Variants in EXOC4 observed in about 807,000 individuals in gnomAD.
EXOC4 encodes the protein exocyst complex component 4.
Under a neutral mutation model 107.2 loss-of-function variants are expected in EXOC4, and 71 were observed. The observed-to-expected ratio is 0.66, with a 90% CI of 0.55 to 0.81. EXOC4 has a LOEUF of 0.81. Among genes scored for constraint, EXOC4 ranks in the 30% least tolerant of loss-of-function variants. The pLI, the probability that EXOC4 is intolerant of heterozygous loss-of-function variation, is 0.00. For synonymous variants in EXOC4, 456 were observed against 441.2 expected (o/e 1.03, Z -0.42); for missense variants, 1,108 against 1,189.6 (o/e 0.93, Z 1.01).
the EXOC4 span, among the ~76,000 whole-genome samples, chr7:134,084,169 A>G: frequency 3.3e-4 from 51 of 152,314 alleles, no homozygotes; most frequent in Non-Finnish European, 5.7e-4. Flanking sequence ...TGGAGTTTCT[A>G]CTGATCAGTT....
chr7:133,794,204 T>G (rs1213043087), intron 10 of EXOC4, among the ~76,000 whole-genome samples: 1 of 152,240 alleles, frequency 6.6e-6, no homozygotes, highest in Non-Finnish European at 1.5e-5. Context: ...CTGTGATGCT[T>G]CTCGTGTTCT....
intron 10 of EXOC4, among the ~76,000 whole-genome samples, chr7:133,783,887 G>T (rs1182478853): frequency 6.6e-6 from 1 of 152,124 alleles, no homozygotes; most frequent in African/African-American, 2.4e-5. Flanking sequence ...TGAAGAAAAA[G>T]TTTTATACAG....
At chr7:133,374,446 G>A (rs774422566) in intron 6 of EXOC4, among the ~76,000 whole-genome samples, 1 of 152,118 alleles carries the variant, frequency 6.6e-6, no homozygotes, top group African/African-American at 2.4e-5. Flanking sequence ...TAACATCTGA[G>A]CTGTTGTCTG....
At chr7:133,841,334 A>G (rs1798021051) in intron 11 of EXOC4, among the ~76,000 whole-genome samples, 1 of 152,198 alleles carries the variant, frequency 6.6e-6, no homozygotes, top group Non-Finnish European at 1.5e-5. Context: ...AACATTCAGT[A>G]CACTGAAGAT....
intron 9 of EXOC4, among the ~76,000 whole-genome samples, chr7:133,540,566 A>G (rs907042868): frequency 2.6e-5 from 4 of 152,212 alleles, no homozygotes; most frequent in African/African-American, 9.7e-5. Flanking sequence ...ATTTACAAAC[A>G]ATTTCCAAGT....
At chr7:133,400,427 A>G (rs1288570998) in intron 7 of EXOC4, among the ~76,000 whole-genome samples, 1 of 152,224 alleles carries the variant, frequency 6.6e-6, no homozygotes, top group Non-Finnish European at 1.5e-5. Context: ...CTGGGGGACA[A>G]CCATGTAATA....
intron 12 of EXOC4, among the ~76,000 whole-genome samples, chr7:133,908,437 A>G (rs1034038447): frequency 6.6e-6 from 1 of 152,256 alleles, no homozygotes; most frequent in Non-Finnish European, 1.5e-5. Flanking sequence ...AGGCAATGGA[A>G]TTAAAGAGGA....
At chr7:133,656,391 G>A (rs73726943) in intron 10 of EXOC4, among the ~76,000 whole-genome samples, 1 of 106,424 alleles carries the variant, frequency 9.4e-6, no homozygotes, top group African/African-American at 4.0e-5. Context: ...ATGTATGTAT[G>A]TATATCTGTG....
chr7:133,354,455 A>G (rs1028694038), intron 5 of EXOC4, among the ~76,000 whole-genome samples: 2 of 152,146 alleles, frequency 1.3e-5, no homozygotes, highest in African/African-American at 2.4e-5. Context: ...AATTTTTTCA[A>G]TACATGCATT....
chr7:133,297,088 A>G (rs1794536535), intron 3 of EXOC4, among the ~76,000 whole-genome samples: 1 of 152,226 alleles, frequency 6.6e-6, no homozygotes, highest in African/African-American at 2.4e-5. Context: ...TAAGACACAC[A>G]TCACATGGTG....
chr7:133,476,484 C>G (rs1027688000), intron 8 of EXOC4, among the ~76,000 whole-genome samples: 4 of 152,046 alleles, frequency 2.6e-5, no homozygotes, highest in Admixed American at 1.3e-4. Flanking sequence ...TGAATTTATT[C>G]TTTTTCAGCA....
intron 10 of EXOC4, among the ~76,000 whole-genome samples, chr7:133,740,679 A>G (rs1239463366): frequency 6.6e-6 from 1 of 152,200 alleles, no homozygotes; most frequent in Non-Finnish European, 1.5e-5. Context: ...ACTATTCAGA[A>G]TGAGATATTT....
At chr7:133,535,901 G>A (rs1253037149) in intron 9 of EXOC4, among the ~76,000 whole-genome samples, 2 of 152,088 alleles carry the variant, frequency 1.3e-5, no homozygotes, top group Non-Finnish European at 2.9e-5. Flanking sequence ...TTTCTTTTCT[G>A]ATGGCTCACA....
the EXOC4 span, among the ~76,000 whole-genome samples, chr7:134,084,922 C>CA: frequency 1 from 152,093 of 152,104 alleles, 76,041 homozygotes; most frequent in Middle Eastern, 1. Flanking sequence ...AATTTATAGA[C>CA]AAAAAAGGGA....
rs200252718 is a variant in EXOC4 at position 133,895,742 on chromosome 7, C to T, written c.1871+7C>T. ...CCTGCACTGCAGCTTACAGGTAGAG[C>T]TTCTGTTAGGGGCTAAGCAAAGTAA... On this transcript the variant is annotated splice_region_variant and intron_variant, in intron 12 of 17. Coordinates refer to ENST00000253861, the MANE Select transcript of EXOC4 (RefSeq NM_021807.4). 1 of 1,613,024 alleles carries T rather than the reference C, an allele frequency of 6.2e-7. No homozygotes were observed. Among genetic ancestry groups the T allele is most frequent in the Admixed American group, 1.7e-5 (1 of 59,958 alleles).
intron 9 of EXOC4, among the ~76,000 whole-genome samples, chr7:133,560,128 T>C (rs370380034): frequency 6.6e-6 from 1 of 152,200 alleles, no homozygotes; most frequent in African/African-American, 2.4e-5. Flanking sequence ...TTTTTTTAAC[T>C]TTCAAAATAT....
At chr7:133,673,373 C>T (rs1793988955) in intron 10 of EXOC4, among the ~76,000 whole-genome samples, 1 of 152,068 alleles carries the variant, frequency 6.6e-6, no homozygotes, top group Admixed American at 6.5e-5. Context: ...ATTATTTTTC[C>T]ATTATTTTTC....
intron 2 of EXOC4, among the ~76,000 whole-genome samples, chr7:133,276,378 CTG>C: frequency 6.6e-6 from 1 of 152,140 alleles, no homozygotes; most frequent in African/African-American, 2.4e-5. Context: ...TAGTACTACT[CTG>C]TGATAAATAA....
chr7:133,999,150 A>G (rs1421364801), intron 15 of EXOC4, among the ~76,000 whole-genome samples: 1 of 152,212 alleles, frequency 6.6e-6, no homozygotes, highest in East Asian at 1.9e-4. Flanking sequence ...GTGGTAATAC[A>G]TTCTATTCTG....
Sources: allele counts gnomAD v4.1 joint callset (sites outside exome capture counted in the v4.1 genomes callset), GRCh38; gene constraint gnomAD v4.1.1; transcripts MANE v1.5; gene names NCBI Gene and HGNC (gene_info 2026-07-23, HGNC 2026-07-21).